The following GPC5 variants were observed in gnomAD, a reference collection of about 807,000 sequenced individuals.
GPC5 encodes glypican 5, also known as glypican-5.
A neutral mutation model predicts 53.9 loss-of-function variants in GPC5; 47 were observed. The observed-to-expected ratio is 0.87, with a 90% CI of 0.69 to 1.11. GPC5 has a LOEUF of 1.11. Ranked by LOEUF, GPC5 falls within the 50% of genes most tolerant of loss-of-function variation. GPC5 has a pLI of 0.00. For synonymous variants in GPC5, 286 were observed against 263.3 expected (o/e 1.09, Z -0.84); for missense variants, 748 against 713.1 (o/e 1.05, Z -0.56).
At chr13:92,386,518 T>A (rs1401953260) in intron 7 of GPC5, among the ~76,000 whole-genome samples, 1 of 152,052 alleles carries the variant, frequency 6.6e-6, no homozygotes, top group East Asian at 1.9e-4. Context: ...GATGGTGAAC[T>A]GTGTTCTGGC....
At chr13:91,805,683 G>T (rs1329045299) in intron 5 of GPC5, among the ~76,000 whole-genome samples, 2 of 152,176 alleles carry the variant, frequency 1.3e-5, no homozygotes. Context: ...TGCAGTGTGT[G>T]TGTGTTATTC....
At chr13:92,419,289 C>T (rs1656201559) in intron 7 of GPC5, among the ~76,000 whole-genome samples, 1 of 151,530 alleles carries the variant, frequency 6.6e-6, no homozygotes. Flanking sequence ...TTTTTTTTTT[C>T]CAGCTGAGAA....
intron 7 of GPC5, among the ~76,000 whole-genome samples, chr13:92,461,893 A>G (rs1005746758): frequency 7.9e-5 from 12 of 152,314 alleles, no homozygotes; most frequent in Middle Eastern, 3.4e-3. Flanking sequence ...GCTAAGACAG[A>G]TGCACCTCTG....
intron 7 of GPC5, among the ~76,000 whole-genome samples, chr13:92,358,457 T>A (rs963843618): frequency 6.6e-6 from 1 of 151,696 alleles, no homozygotes; most frequent in African/African-American, 2.4e-5. Context: ...CTCACAGCTC[T>A]AGTAGGCCGT....
intron 7 of GPC5, among the ~76,000 whole-genome samples, chr13:92,697,445 A>G (rs1323801336): frequency 6.6e-6 from 1 of 151,924 alleles, no homozygotes; most frequent in African/African-American, 2.4e-5. Flanking sequence ...TAGGTATTTT[A>G]TTCTCTTTTT....
intron 7 of GPC5, among the ~76,000 whole-genome samples, chr13:92,661,633 A>G (rs553060184): frequency 6.6e-6 from 1 of 152,312 alleles, no homozygotes; most frequent in East Asian, 1.9e-4. Context: ...CCTATTGCTC[A>G]ACATTTAGAA....
At chr13:91,409,275 A>G (rs1185242342) in intron 1 of GPC5, among the ~76,000 whole-genome samples, 3 of 152,298 alleles carry the variant, frequency 2.0e-5, no homozygotes, top group East Asian at 1.9e-4. Flanking sequence ...GAAAAAAGTC[A>G]TTTTTAAAAA....
intron 6 of GPC5, among the ~76,000 whole-genome samples, chr13:91,929,078 A>G (rs1414754281): frequency 6.6e-6 from 1 of 152,112 alleles, no homozygotes; most frequent in Non-Finnish European, 1.5e-5. Context: ...AATACTCCAC[A>G]ATCACCTTGG....
At chr13:92,095,758 T>C (rs1443686682) in intron 6 of GPC5, among the ~76,000 whole-genome samples, 10 of 152,042 alleles carry the variant, frequency 6.6e-5, no homozygotes, top group Admixed American at 1.3e-4. Flanking sequence ...TGGTCTCGAA[T>C]TCCTGACCTC....
chr13:92,753,765 G>T (rs1874706059), intron 7 of GPC5, among the ~76,000 whole-genome samples: 1 of 151,860 alleles, frequency 6.6e-6, no homozygotes, highest in South Asian at 2.1e-4. Flanking sequence ...GAAGCGAGAA[G>T]GGAAGTTTAG....
At chr13:92,654,352 T>C (rs1325424922) in intron 7 of GPC5, among the ~76,000 whole-genome samples, 3 of 152,310 alleles carry the variant, frequency 2.0e-5, no homozygotes, top group Admixed American at 1.3e-4. Flanking sequence ...TCCAGAGTTG[T>C]CAGATAGAGT....
intron 7 of GPC5, among the ~76,000 whole-genome samples, chr13:92,564,698 C>T (rs1566296038): frequency 6.6e-6 from 1 of 151,932 alleles, no homozygotes; most frequent in Non-Finnish European, 1.5e-5. Context: ...CTAGCAGACC[C>T]CACTGTCTAT....
At chr13:91,712,701 T>C (rs929315992) in intron 3 of GPC5, among the ~76,000 whole-genome samples, 2 of 152,130 alleles carry the variant, frequency 1.3e-5, no homozygotes, top group African/African-American at 4.8e-5. Context: ...GGCTTTTTCA[T>C]ACACTGATCA....
At chr13:92,318,840 AGAGGG>A (rs1213812170) in intron 7 of GPC5, among the ~76,000 whole-genome samples, 1 of 152,160 alleles carries the variant, frequency 6.6e-6, no homozygotes, top group Non-Finnish European at 1.5e-5. Context: ...ATATTTGAAT[AGAGGG>A]TAGATGTGGA....
intron 7 of GPC5, among the ~76,000 whole-genome samples, chr13:92,304,226 A>G (rs1207607849): frequency 6.7e-6 from 1 of 149,076 alleles, no homozygotes; most frequent in African/African-American, 2.5e-5. Flanking sequence ...TCTTTTTTAG[A>G]CAGAGTCTCT....
chr13:92,084,769 G>T (rs1367570511), intron 6 of GPC5, among the ~76,000 whole-genome samples: 18 of 152,160 alleles, frequency 1.2e-4, no homozygotes, highest in Admixed American at 1.2e-3. Flanking sequence ...TTTGGTACAA[G>T]ATAAATGTTA....
chr13:92,682,008 A>T (rs1214955449), intron 7 of GPC5, among the ~76,000 whole-genome samples: 2 of 152,206 alleles, frequency 1.3e-5, no homozygotes, highest in African/African-American at 4.8e-5. Context: ...TGGCTTTGAG[A>T]AACTTGAGGG....
At chr13:91,922,857 A>G (rs2039729295) in intron 6 of GPC5, among the ~76,000 whole-genome samples, 1 of 140,206 alleles carries the variant, frequency 7.1e-6, no homozygotes, top group Admixed American at 7.5e-5. Context: ...AACTTGTGTA[A>G]TTTTTCAGTC....
At chr13:91,720,568 C>T (rs1363810482) in intron 3 of GPC5, among the ~76,000 whole-genome samples, 1 of 152,104 alleles carries the variant, frequency 6.6e-6, no homozygotes, top group East Asian at 1.9e-4. Context: ...TGTCTTTCCC[C>T]TATGCTCATC....
Sources: allele counts gnomAD v4.1 joint callset (sites outside exome capture counted in the v4.1 genomes callset), GRCh38; gene constraint gnomAD v4.1.1; transcripts MANE v1.5; gene names NCBI Gene and HGNC (gene_info 2026-07-23, HGNC 2026-07-21).